ADK: variants seen among roughly 807,000 people sequenced by gnomAD.
ADK encodes the protein adenosine kinase, also known as N6,N6-dimethyladenosine kinase.
In ADK, 24 loss-of-function variants were observed where a neutral mutation model predicts 44.7. That is an observed-to-expected ratio of 0.54 (90% confidence interval 0.39 to 0.76). The LOEUF (loss-of-function observed/expected upper bound fraction) is 0.76, where lower values mean the gene tolerates loss of function less well. ADK is among the 30% of genes least tolerant of loss of function. The pLI, the probability that ADK is intolerant of heterozygous loss-of-function variation, is 0.00. For synonymous variants in ADK, 128 were observed against 142.6 expected, an observed-to-expected ratio of 0.90 and a Z score of 0.73; for missense variants, 321 against 425.1, an observed-to-expected ratio of 0.76 and a Z score of 2.15.
intron 6 of ADK, among the ~76,000 whole-genome samples, chr10:74,413,123 A>G (rs908068302): frequency 2.0e-5 from 3 of 151,954 alleles, no homozygotes; most frequent in South Asian, 2.1e-4. Context: ...TTGTTATTTC[A>G]TTTATAGAAC....
chr10:74,491,676 A>G (rs1847492659), intron 6 of ADK, among the ~76,000 whole-genome samples: 1 of 152,180 alleles, frequency 6.6e-6, no homozygotes, highest in Admixed American at 6.5e-5. Flanking sequence ...AATTGACTAT[A>G]TTTTGGTTTG....
At chr10:74,552,784 A>G (rs907107133) in intron 7 of ADK, among the ~76,000 whole-genome samples, 1 of 152,192 alleles carries the variant, frequency 6.6e-6, no homozygotes, top group African/African-American at 2.4e-5. Context: ...TGGACACTTC[A>G]TAGAGGGAAA....
chr10:74,221,818 A>G (rs1844322780), intron 2 of ADK, among the ~76,000 whole-genome samples: 1 of 148,366 alleles, frequency 6.7e-6, no homozygotes, highest in Non-Finnish European at 1.5e-5. Context: ...GGCTAGCCAT[A>G]TGGAGAAAGC....
At chr10:74,179,530 G>T (rs1842460871) in intron 1 of ADK, among the ~76,000 whole-genome samples, 1 of 152,124 alleles carries the variant, frequency 6.6e-6, no homozygotes, top group Admixed American at 6.5e-5. Context: ...CATCCTCACT[G>T]CTTATTATAC....
Position 74,220,347 on chromosome 10 carries a change from A to G in ADK, c.141-4191A>G, listed in dbSNP as rs1207726198. On this transcript the variant is annotated intron_variant, in intron 2 of 10. Transcript: ENST00000539909. ...AGAAGTTGAATCTCTGAACAGACCA[A>G]TAACAGGCTCTGAAATTGTGGCAAT... Among the ~76,000 whole-genome samples the G allele has an allele frequency of 3.3e-5, 5 of 152,326 alleles. No homozygotes were observed. In the South Asian group the frequency reaches 1.0e-3, roughly 32 times the overall value.
intron 4 of ADK, among the ~76,000 whole-genome samples, chr10:74,380,672 C>T (rs552230856): frequency 6.6e-6 from 1 of 152,112 alleles, no homozygotes; most frequent in African/African-American, 2.4e-5. Context: ...GCAGGACAAT[C>T]GCTTGAACCT....
chr10:74,352,455 G>T (rs7923592), intron 4 of ADK, among the ~76,000 whole-genome samples: 99,366 of 151,984 alleles, frequency 0.65, 33,620 homozygotes, highest in Middle Eastern at 0.81. Flanking sequence ...ATGTAAAACC[G>T]AAAACCATAA....
chr10:74,222,937 A>G (rs1844376160), intron 2 of ADK, among the ~76,000 whole-genome samples: 2 of 152,126 alleles, frequency 1.3e-5, no homozygotes, highest in Admixed American at 6.5e-5. Flanking sequence ...GGTGCAGCAC[A>G]CCAGCATGTC....
At chr10:74,610,806 T>C (rs1852512227) in intron 9 of ADK, among the ~76,000 whole-genome samples, 1 of 151,972 alleles carries the variant, frequency 6.6e-6, no homozygotes, top group African/African-American at 2.4e-5. Context: ...TAATGAGATC[T>C]TCATACAATA....
intron 3 of ADK, among the ~76,000 whole-genome samples, chr10:74,236,092 A>G (rs1844949753): frequency 6.6e-6 from 1 of 152,224 alleles, no homozygotes; most frequent in African/African-American, 2.4e-5. Context: ...CAATCAAACT[A>G]AGACACTCCC....
At chr10:74,448,411 T>C (rs566286500) in intron 6 of ADK, among the ~76,000 whole-genome samples, 63 of 152,282 alleles carry the variant, frequency 4.1e-4, no homozygotes, top group African/African-American at 1.4e-3. Context: ...CATTTTTACC[T>C]CATTAGATTG....
At chr10:74,163,878 G>T (rs1841966138) in intron 1 of ADK, among the ~76,000 whole-genome samples, 1 of 152,160 alleles carries the variant, frequency 6.6e-6, no homozygotes, top group African/African-American at 2.4e-5. Context: ...CTTGACTGAG[G>T]AAGTCTTCTC....
At chr10:74,222,838 A>G in intron 2 of ADK, among the ~76,000 whole-genome samples, 1 of 126,256 alleles carries the variant, frequency 7.9e-6, no homozygotes, top group Non-Finnish European at 1.6e-5. Flanking sequence ...AGGAAGGGGA[A>G]CATCACACTC....
intron 9 of ADK, among the ~76,000 whole-genome samples, chr10:74,652,448 T>C (rs1219297221): frequency 6.6e-6 from 1 of 151,736 alleles, no homozygotes; most frequent in Non-Finnish European, 1.5e-5. Context: ...TTAGGAAAAA[T>C]AACCAAACAG....
intron 6 of ADK, among the ~76,000 whole-genome samples, chr10:74,518,948 C>T (rs1178001484): frequency 6.6e-6 from 1 of 151,886 alleles, no homozygotes; most frequent in African/African-American, 2.4e-5. Flanking sequence ...TAGTTTTCAT[C>T]ATCATCATCA....
At chr10:74,309,808 T>A (rs558302262) in intron 3 of ADK, among the ~76,000 whole-genome samples, 9 of 152,292 alleles carry the variant, frequency 5.9e-5, no homozygotes, top group African/African-American at 2.2e-4. Flanking sequence ...ATGAATTTAT[T>A]GATCATTTTG....
chr10:74,704,434 GTTTA>G (rs1348574699), intron 10 of ADK, among the ~76,000 whole-genome samples: 1 of 152,056 alleles, frequency 6.6e-6, no homozygotes, highest in Non-Finnish European at 1.5e-5. Flanking sequence ...AGCTCCCTTT[GTTTA>G]TTTAAACAAT....
At chr10:74,216,962 G>T (rs192197090) in intron 2 of ADK, among the ~76,000 whole-genome samples, 2 of 152,304 alleles carry the variant, frequency 1.3e-5, no homozygotes, top group African/African-American at 4.8e-5. Context: ...GGTGATTTCT[G>T]CATTTCCATC....
At chr10:74,345,637 C>T (rs956793085) in intron 4 of ADK, among the ~76,000 whole-genome samples, 18 of 152,140 alleles carry the variant, frequency 1.2e-4, no homozygotes, top group African/African-American at 4.1e-4. Context: ...CCCGTACTTT[C>T]AATCTGTTAG....
Sources: allele counts gnomAD v4.1 joint callset (sites outside exome capture counted in the v4.1 genomes callset), GRCh38; gene constraint gnomAD v4.1.1; transcripts MANE v1.5; gene names NCBI Gene and HGNC (gene_info 2026-07-23, HGNC 2026-07-21).